The following ZFP92 variants were observed in gnomAD, a reference collection of about 807,000 sequenced individuals.
The protein encoded by ZFP92 is ZFP92 zinc finger protein.
ZFP92 carries 2 observed loss-of-function variants against 7.6 expected under a neutral mutation model. That is an observed-to-expected ratio of 0.26 (90% confidence interval 0.11 to 0.83). The LOEUF (loss-of-function observed/expected upper bound fraction) is 0.83. Ranked by LOEUF, ZFP92 falls within the 40% of genes least tolerant of loss-of-function variation. The pLI is 0.65. For missense variants in ZFP92, 324 were observed against 408.3 expected (o/e 0.79, Z 1.78); for synonymous variants, 226 against 183.6 (o/e 1.23, Z -1.87).
In ZFP92 at chrX:153,426,468, A is replaced by G. The variant is rs376619389; in HGVS notation, c.*4840A>G. 2 of 111,146 alleles carry G rather than the reference A, an allele frequency of 1.8e-5. No homozygotes were observed. Among genetic ancestry groups the G allele is most frequent in the East Asian group, 5.6e-4 (2 of 3,566 alleles). 9.2% of individuals were successfully genotyped at this position (111,146 alleles called of 1,213,427 possible). A position where few individuals can be genotyped will look rare whatever the true frequency, so the allele number is the denominator to read the frequency against. On this transcript the variant is annotated 3_prime_UTR_variant, in exon 6 of 6. Transcript: ENST00000338647. ...GCCATGACAAATAAAGCTGCTGTGA[A>G]CATTTGTGTACCAGTTTCTGCGTGG...
Position 153,421,580 on chromosome X carries a change from C to T in ZFP92, c.1203C>T (p.Pro401=). 9.5e-7 allele frequency: 1 copy of T among 1,047,571 alleles called. No individual in the cohort carries two copies. The highest frequency in any genetic ancestry group is 2.5e-5 in the South Asian group (1 of 39,463). The allele number at this position is 1,047,571 out of a possible 1,213,427, so 86.3% of individuals were successfully genotyped here. Residue 401 remains proline (P), a synonymous_variant, in exon 6 of 6, where the codon CCC becomes CCT. Transcript: ENST00000338647. ...GPGSAVAATS[P]PRPSTAARPS... ...GGAGCGCGGTGGCGGCCACCAGCCC[C>T]CCGCGGCCGAGCACAGCCGCCAGGC...
chrX:153,420,474 C>A (rs1390275253), intron 5 of ZFP92, 142 bp downstream of exon 5: 4 of 883,035 alleles, frequency 4.5e-6, no homozygotes, highest in Non-Finnish European at 6.2e-6. Flanking sequence ...TCACAGCAGC[C>A]CCGCTATCTC....
intron 2 of ZFP92, among the ~76,000 whole-genome samples, chrX:153,414,730 C>G (rs1054798900): frequency 4.5e-5 from 5 of 112,078 alleles, no homozygotes; most frequent in African/African-American, 1.6e-4. Flanking sequence ...CTACCTGGCT[C>G]CAGAACATTC....
chrX:153,418,016 CG>C (rs2124294977), intron 2 of ZFP92, among the ~76,000 whole-genome samples: 1 of 111,962 alleles, frequency 8.9e-6, no homozygotes, highest in Non-Finnish European at 1.9e-5. Flanking sequence ...TTCAGTGGAG[CG>C]GGGGCCTGCC....
At chrX:153,420,164 G>A in intron 4 of ZFP92, 64 bp from the exon 5 acceptor site, 1 of 857,180 alleles carries the variant, frequency 1.2e-6, no homozygotes, top group Non-Finnish European at 1.6e-6. Flanking sequence ...AGAATTGCCT[G>A]AGTTCAGGAG....
rs183339897 is a variant in ZFP92, at chrX:153,419,405, C to A, written c.160+606C>A. On this transcript the variant is annotated intron_variant, in intron 4 of 5. Transcript: ENST00000338647. ...GCAAAAGCAGGAGTCACAGGCTAGA[C>A]GGATGGGGGCCGGAGCACTCAGGAA... Among the ~76,000 whole-genome samples, 532 of 112,647 alleles carry A rather than the reference C, an allele frequency of 4.7e-3. 3 individuals carry two copies. Among genetic ancestry groups the A allele is most frequent in the Non-Finnish European group, 6.9e-3 (369 of 53,289 alleles).
chrX:153,419,181 G>A (rs186015075), intron 4 of ZFP92, among the ~76,000 whole-genome samples: 2 of 112,865 alleles, frequency 1.8e-5, no homozygotes, highest in East Asian at 5.6e-4. Flanking sequence ...TTTTGCATCC[G>A]TTCCACTTTG....
chrX:153,416,737 C>A (rs1219781110), intron 2 of ZFP92, among the ~76,000 whole-genome samples: 1 of 111,871 alleles, frequency 8.9e-6, no homozygotes, highest in Non-Finnish European at 1.9e-5. Flanking sequence ...TACAGGAATA[C>A]CAGAGGCTGG....
chrX:153,418,637 G>A (rs1419971953), intron 3 of ZFP92, 36 bp from the exon 4 acceptor site: 35 of 1,162,270 alleles, frequency 3.0e-5, no homozygotes, highest in Admixed American at 1.0e-4. Flanking sequence ...CCAGGGGGTT[G>A]AATTCCCCTG....
chrX:153,416,821 A>G (rs1347142487), intron 2 of ZFP92, among the ~76,000 whole-genome samples: 7 of 111,852 alleles, frequency 6.3e-5, no homozygotes, highest in Non-Finnish European at 1.3e-4. Flanking sequence ...GGGCGTCTGC[A>G]TCTAGTGAGA....
chrX:153,416,907 C>G (rs2088956646), intron 2 of ZFP92, among the ~76,000 whole-genome samples: 1 of 111,265 alleles, frequency 9.0e-6, no homozygotes, highest in Non-Finnish European at 1.9e-5. Context: ...GATCACGTGG[C>G]CAGAGGGGAC....
chrX:153,417,576 G>A (rs1289176817), intron 2 of ZFP92, among the ~76,000 whole-genome samples: 2 of 112,116 alleles, frequency 1.8e-5, no homozygotes, highest in Admixed American at 9.5e-5. Flanking sequence ...TGGAAAGTTG[G>A]GGTCAGGGGA....
At position 153,422,636 on chromosome X, in the gene ZFP92, G is replaced by A. The variant is rs992127264; in HGVS notation, c.*1008G>A. The A allele has an allele frequency of 1.2e-4, 13 of 110,730 alleles. No individual in the cohort carries two copies. Among genetic ancestry groups the A allele is most frequent in the African/African-American group, 4.3e-4 (13 of 30,338 alleles). The allele number at this position is 110,730 out of a possible 1,213,427, so 9.1% of individuals were successfully genotyped here. A position where few individuals can be genotyped will look rare whatever the true frequency, so the allele number is the denominator to read the frequency against. ...CTCCCCATCAGGCAGCCTCTCTTGC[G>A]GCTGGTGACGATTAGGAGGAAAGCC... On this transcript the variant is annotated 3_prime_UTR_variant, in exon 6 of 6. Transcript: ENST00000338647.
chrX:153,421,611 A>G lies in ZFP92; in HGVS notation c.1234A>G (p.Arg412Gly). 1.0e-6 allele frequency: 1 copy of G among 995,023 alleles called. No individual in the cohort carries two copies. The highest frequency in any genetic ancestry group is 1.3e-6 in the Non-Finnish European group (1 of 792,337). 82.0% of individuals were successfully genotyped at this position (995,023 alleles called of 1,213,427 possible). The change falls in exon 6 of 6, where the codon AGG becomes GGG. Residue 412 changes from arginine (R) to glycine (G), a missense_variant. Physicochemically the swap from Arg to Gly is moderately radical, Grantham distance 125. Transcript: ENST00000338647. ...GCCGAGCACAGCCGCCAGGCCTTCCAGGCCCAGCCGCCGCTGACTCCCCGC... is the reference window on the plus strand; with the variant it reads ...GCCGAGCACAGCCGCCAGGCCTTCCGGGCCCAGCCGCCGCTGACTCCCCGC... Reference protein sequence around the residue: ...PRPSTAARPSRPSRR With the variant: ...PRPSTAARPSGPSRR
At position 153,421,549 on chromosome X, in the gene ZFP92, G is replaced by A; in HGVS notation, c.1172G>A (p.Gly391Asp). ...AGGCTAGCGGGCCCTGGGAGCACCG[G>A]CCCTGGGAGCGCGGTGGCGGCCACC... Reference protein sequence around the residue: ...ARRLAGPGSTGPGSAVAATSP... With the variant: ...ARRLAGPGSTDPGSAVAATSP... The change falls in exon 6 of 6, where the codon GGC becomes GAC. Residue 391 changes from glycine to aspartate, a missense_variant. Physicochemically the swap from Gly to Asp is moderately conservative, Grantham distance 94. Coordinates refer to ENST00000338647, the MANE Select transcript of ZFP92 (RefSeq NM_001136273.2). The A allele has an allele frequency of 9.1e-7, 1 of 1,093,385 alleles. No homozygotes were observed. The highest frequency in any genetic ancestry group is 1.2e-6 in the Non-Finnish European group (1 of 845,728). 90.1% of individuals were successfully genotyped at this position (1,093,385 alleles called of 1,213,427 possible). A position where few individuals can be genotyped will look rare whatever the true frequency, so the allele number is the denominator to read the frequency against.
chrX:153,411,921 G>T (rs1001836334), intron 1 of ZFP92, among the ~76,000 whole-genome samples, 44 bp from the exon 2 acceptor site: 1 of 112,880 alleles, frequency 8.9e-6, no homozygotes, highest in Non-Finnish European at 1.9e-5. Context: ...GGCGCTGGGA[G>T]CTGCGGCCCG....
chrX:153,420,568 A>G, intron 5 of ZFP92, 75 bp from the exon 6 acceptor site: 4 of 1,093,914 alleles, frequency 3.7e-6, no homozygotes, highest in Non-Finnish European at 4.8e-6. Context: ...CCATCCCCCT[A>G]TGTTCTCACC....
intron 4 of ZFP92, among the ~76,000 whole-genome samples, chrX:153,419,828 G>T (rs978177190): frequency 8.9e-5 from 10 of 112,274 alleles, no homozygotes; most frequent in Non-Finnish European, 1.7e-4. Context: ...CAGTGGAGTT[G>T]GATGATGAAA....
At chrX:153,414,652 T>C (rs2088936190) in intron 2 of ZFP92, among the ~76,000 whole-genome samples, 1 of 111,623 alleles carries the variant, frequency 9.0e-6, no homozygotes, top group African/African-American at 3.3e-5. Flanking sequence ...CCCGGCCAAA[T>C]TAACCATTTT....
Sources: gnomAD v4.1 joint callset for allele counts (sites outside exome capture counted in the v4.1 genomes callset) on GRCh38, gnomAD v4.1.1 for gene constraint, MANE v1.5 for transcripts, NCBI Gene and HGNC (gene_info 2026-07-23, HGNC 2026-07-21) for gene names.